The following ROBO2 variants were observed in gnomAD, a reference collection of about 807,000 sequenced individuals.
ROBO2 encodes roundabout guidance receptor 2, also known as roundabout homolog 2.
ROBO2 carries 53 observed loss-of-function variants against 160.8 expected under a neutral mutation model. The ratio of observed to expected loss-of-function variants is 0.33; its 90% CI spans 0.26 to 0.41. The LOEUF (loss-of-function observed/expected upper bound fraction) is 0.41, where lower values mean the gene tolerates loss of function less well. Ranked by LOEUF, ROBO2 falls within the 10% of genes least tolerant of loss-of-function variation. The pLI, the probability that ROBO2 is intolerant of heterozygous loss-of-function variation, is 1.00. For missense variants in ROBO2, 1,577 were observed against 1,722.4 expected (o/e 0.92, Z 1.49); for synonymous variants, 664 against 611.7 (o/e 1.09, Z -1.26).
chr3:76,169,441 T>G (rs1446101275), intron 2 of ROBO2, among the ~76,000 whole-genome samples: 1 of 152,156 alleles, frequency 6.6e-6, no homozygotes, highest in Non-Finnish European at 1.5e-5. Context: ...TTCTATGTCT[T>G]TGCCGTATGA....
intron 2 of ROBO2, among the ~76,000 whole-genome samples, chr3:77,437,520 A>G (rs1363903747): frequency 6.6e-6 from 1 of 151,932 alleles, no homozygotes; most frequent in African/African-American, 2.4e-5. Flanking sequence ...TATGATAGCA[A>G]ACTTTACTGC....
At chr3:77,499,141 G>A (rs2087188699) in intron 5 of ROBO2, among the ~76,000 whole-genome samples, 1 of 152,188 alleles carries the variant, frequency 6.6e-6, no homozygotes, top group Non-Finnish European at 1.5e-5. Flanking sequence ...TTAGGCCATT[G>A]CCAAGGGGTT....
chr3:76,299,927 CTG>C (rs1451963808), intron 2 of ROBO2, among the ~76,000 whole-genome samples: 2 of 152,074 alleles, frequency 1.3e-5, no homozygotes, highest in Admixed American at 6.6e-5. Flanking sequence ...CAAAACATAA[CTG>C]AGAGGAGCAA....
intron 2 of ROBO2, among the ~76,000 whole-genome samples, chr3:75,941,566 T>G (rs981862995): frequency 2.6e-5 from 4 of 152,178 alleles, no homozygotes; most frequent in Non-Finnish European, 4.4e-5. Context: ...CTGCTAGATA[T>G]GAGAAAGTTT....
chr3:75,948,330 A>T (rs1271554993), intron 2 of ROBO2, among the ~76,000 whole-genome samples: 1 of 152,112 alleles, frequency 6.6e-6, no homozygotes, highest in Non-Finnish European at 1.5e-5. Flanking sequence ...AAAAGTGTAG[A>T]GTAGGGCTGG....
intron 2 of ROBO2, among the ~76,000 whole-genome samples, chr3:77,437,821 C>G (rs977879975): frequency 2.0e-5 from 3 of 151,892 alleles, no homozygotes; most frequent in Non-Finnish European, 2.9e-5. Flanking sequence ...AATATGACAG[C>G]CTTCTGTGAA....
intron 2 of ROBO2, among the ~76,000 whole-genome samples, chr3:77,132,873 T>C (rs149903114): frequency 6.6e-6 from 1 of 152,246 alleles, no homozygotes; most frequent in African/African-American, 2.4e-5. Context: ...TTGAACATCT[T>C]CTACATGTTA....
chr3:76,590,036 CAT>C (rs1158633440), intron 2 of ROBO2, among the ~76,000 whole-genome samples: 1 of 152,034 alleles, frequency 6.6e-6, no homozygotes, highest in African/African-American at 2.4e-5. Context: ...ATATTATACA[CAT>C]GTGTATAGAA....
chr3:76,735,604 A>G (rs1361096840), intron 2 of ROBO2, among the ~76,000 whole-genome samples: 1 of 151,846 alleles, frequency 6.6e-6, no homozygotes, highest in Non-Finnish European at 1.5e-5. Context: ...TCTACTAAAA[A>G]CACAAAACTT....
intron 2 of ROBO2, among the ~76,000 whole-genome samples, chr3:76,996,757 G>C (rs1414089608): frequency 6.6e-6 from 1 of 152,114 alleles, no homozygotes; most frequent in Non-Finnish European, 1.5e-5. Context: ...GATTTTGAAA[G>C]AGAGTTTAAC....
chr3:76,369,983 T>C (rs934196527), intron 2 of ROBO2, among the ~76,000 whole-genome samples: 1 of 152,002 alleles, frequency 6.6e-6, no homozygotes, highest in Non-Finnish European at 1.5e-5. Flanking sequence ...AACAATATTT[T>C]TAAAACTGCA....
chr3:76,183,963 A>G (rs983235940), intron 2 of ROBO2, among the ~76,000 whole-genome samples: 1 of 152,178 alleles, frequency 6.6e-6, no homozygotes, highest in African/African-American at 2.4e-5. Flanking sequence ...TTCTTGAATA[A>G]TTTAGAAAAT....
chr3:76,750,915 T>G (rs1329991234), intron 2 of ROBO2, among the ~76,000 whole-genome samples: 1 of 152,142 alleles, frequency 6.6e-6, no homozygotes, highest in Admixed American at 6.6e-5. Context: ...AAGCTATCAA[T>G]GACTTTCTTC....
intron 2 of ROBO2, among the ~76,000 whole-genome samples, chr3:76,182,926 T>A (rs1295909095): frequency 6.6e-6 from 1 of 152,188 alleles, no homozygotes; most frequent in African/African-American, 2.4e-5. Context: ...TATAACAAAT[T>A]TCCTTGAAAC....
chr3:76,155,151 A>T (rs1181176443), intron 2 of ROBO2, among the ~76,000 whole-genome samples: 1 of 152,180 alleles, frequency 6.6e-6, no homozygotes, highest in Non-Finnish European at 1.5e-5. Flanking sequence ...AAATGTCAAA[A>T]TTAGAATGTT....
intron 2 of ROBO2, among the ~76,000 whole-genome samples, chr3:76,428,307 G>A (rs1171360598): frequency 6.6e-6 from 1 of 151,926 alleles, no homozygotes; most frequent in Non-Finnish European, 1.5e-5. Context: ...TGGATACCTC[G>A]AAAAGAAAAA....
chr3:77,577,690 C>A, intron 15 of ROBO2, 76 bp downstream of exon 16: 1 of 1,523,736 alleles, frequency 6.6e-7, no homozygotes. Context: ...GAATGAGACA[C>A]ATCTCTAAAG....
chr3:76,567,198 C>A (rs144834064), intron 2 of ROBO2, among the ~76,000 whole-genome samples: 1 of 152,040 alleles, frequency 6.6e-6, no homozygotes, highest in South Asian at 2.1e-4. Context: ...TAGCAATAAC[C>A]TTGAAGAAAC....
intron 1 of ROBO2, among the ~76,000 whole-genome samples, chr3:75,933,824 T>G (rs1947647476): frequency 6.6e-6 from 1 of 152,128 alleles, no homozygotes; most frequent in Non-Finnish European, 1.5e-5. Context: ...ATTGAAGTGG[T>G]TCTAATACCT....
Sources: gnomAD v4.1 joint callset for allele counts (sites outside exome capture counted in the v4.1 genomes callset) on GRCh38, gnomAD v4.1.1 for gene constraint, MANE v1.5 for transcripts, NCBI Gene and HGNC (gene_info 2026-07-23, HGNC 2026-07-21) for gene names.